The following TMEM182 variants were observed in gnomAD, a reference collection of about 807,000 sequenced individuals.
The protein encoded by TMEM182 is transmembrane protein 182.
In TMEM182, 20 loss-of-function variants were observed where a neutral mutation model predicts 26.8. That is an observed-to-expected ratio of 0.75 (90% CI 0.53 to 1.09). TMEM182 has a LOEUF of 1.09. Among genes scored for constraint, TMEM182 ranks in the 50% least tolerant of loss-of-function variants. The pLI is 0.00. For synonymous variants in TMEM182, 109 were observed against 102.2 expected (o/e 1.07, Z -0.40); for missense variants, 277 against 275.5 (o/e 1.01, Z -0.04).
intron 3 of TMEM182, among the ~76,000 whole-genome samples, chr2:102,785,697 G>A (rs1287560101): frequency 1.3e-5 from 2 of 152,122 alleles, no homozygotes; most frequent in Admixed American, 1.3e-4. Context: ...TACAGAAATC[G>A]TAGAAACTAC....
chr2:102,837,549 G>T (rs1440557875), intron 3 of TMEM182, among the ~76,000 whole-genome samples: 1 of 139,154 alleles, frequency 7.2e-6, no homozygotes, highest in Non-Finnish European at 1.6e-5. Context: ...GGGTTCGGGG[G>T]GTTCAGGGGG....
intron 3 of TMEM182, 79 bp downstream of exon 3, chr2:102,764,506 G>T: frequency 8.6e-7 from 1 of 1,165,372 alleles, no homozygotes; most frequent in Non-Finnish European, 1.2e-6. Flanking sequence ...ATTGTTGTGA[G>T]CAATTAAAAA....
chr2:102,788,057 A>T (rs765176917), intron 3 of TMEM182, among the ~76,000 whole-genome samples: 15 of 152,144 alleles, frequency 9.9e-5, no homozygotes, highest in Non-Finnish European at 2.2e-4. Context: ...TTATTATTAA[A>T]AATATTTGTT....
intron 1 of TMEM182, among the ~76,000 whole-genome samples, chr2:102,740,910 A>T (rs1490892439): frequency 2.0e-5 from 3 of 152,212 alleles, no homozygotes; most frequent in Non-Finnish European, 4.4e-5. Context: ...TTTCTATAAC[A>T]ACATGGATGA....
chr2:102,792,752 T>A (rs535998375), intron 3 of TMEM182, among the ~76,000 whole-genome samples: 14 of 152,310 alleles, frequency 9.2e-5, no homozygotes, highest in African/African-American at 3.4e-4. Context: ...GCTATTTCTA[T>A]GTGATCAAAG....
intron 4 of TMEM182, among the ~76,000 whole-genome samples, chr2:102,807,215 G>T (rs1052006227): frequency 1.3e-5 from 2 of 152,166 alleles, no homozygotes; most frequent in Admixed American, 6.5e-5. Context: ...GAAAATGAAA[G>T]GGAAGAGGGA....
chr2:102,753,274 T>C (rs1465452720), intron 1 of TMEM182, among the ~76,000 whole-genome samples: 3 of 152,004 alleles, frequency 2.0e-5, no homozygotes, highest in African/African-American at 7.2e-5. Context: ...TGGAGCTACA[T>C]AGCAAACCCT....
In TMEM182 at chr2:102,791,696, G is replaced by A. The variant is rs1681646333; in HGVS notation, c.332-6167G>A. Among the ~76,000 whole-genome samples, 3 of 152,174 alleles carry A rather than the reference G, an allele frequency of 2.0e-5. No homozygotes were observed. In the South Asian group the frequency reaches 6.2e-4, roughly 32 times the overall value. ...CACATTGTGATTGTATAGATTACAT[G>A]TAAATGTATTTCCATTGTAAATCTT... On this transcript the variant is annotated intron_variant, in intron 3 of 4. Transcript: ENST00000412401.
intron 3 of TMEM182, among the ~76,000 whole-genome samples, chr2:102,784,168 C>G (rs1429644838): frequency 6.6e-6 from 1 of 152,130 alleles, no homozygotes; most frequent in Non-Finnish European, 1.5e-5. Context: ...TGTACCTCTC[C>G]CTTTTTATTC....
intron 3 of TMEM182, among the ~76,000 whole-genome samples, chr2:102,783,760 C>G (rs1004349391): frequency 1.3e-5 from 2 of 152,058 alleles, no homozygotes; most frequent in Non-Finnish European, 2.9e-5. Flanking sequence ...GCCCTGCACT[C>G]TAGCCTAAGC....
At chr2:102,751,290 G>A (rs912278278) in intron 1 of TMEM182, among the ~76,000 whole-genome samples, 3 of 152,118 alleles carry the variant, frequency 2.0e-5, no homozygotes, top group African/African-American at 7.2e-5. Flanking sequence ...CACACAGATT[G>A]AGTGGACCAG....
In TMEM182 at chr2:102,840,266, T is replaced by C. The variant is rs115875437; in HGVS notation, c.326-3146T>C. 2.5e-3 allele frequency among the ~76,000 whole-genome samples: 384 copies of C among 152,318 alleles called. 2 individuals are homozygous for C. Among genetic ancestry groups the C allele is most frequent in the Admixed American group, 4.4e-3 (67 of 15,296 alleles). ...AAAGGGAATATGAGATAGAGAGTTA[T>C]TGACTTGCTTAACTCTGGGAAAAGG... On this transcript the variant is annotated intron_variant, in intron 3 of 3. Coordinates refer to the TMEM182 transcript ENST00000486293.
At chr2:102,758,807 A>G (rs1680122691), upstream of TMEM182, among the ~76,000 whole-genome samples, 3 of 152,166 alleles carry the variant, frequency 2.0e-5, no homozygotes, top group Non-Finnish European at 2.9e-5. Flanking sequence ...AAAGTATTCT[A>G]TTTTTCTCAA....
chr2:102,836,896 C>T (rs1313525734), intron 3 of TMEM182, among the ~76,000 whole-genome samples: 5 of 152,204 alleles, frequency 3.3e-5, no homozygotes. Context: ...CTATTCCAAG[C>T]TTCTCCAATC....
chr2:102,813,510 A>T (rs1477509603), intron 4 of TMEM182, among the ~76,000 whole-genome samples: 1 of 152,204 alleles, frequency 6.6e-6, no homozygotes, highest in Admixed American at 6.5e-5. Flanking sequence ...GAAATTTTGG[A>T]CAAATAACAA....
chr2:102,783,954 C>G (rs1681278320), intron 3 of TMEM182, among the ~76,000 whole-genome samples: 1 of 149,872 alleles, frequency 6.7e-6, no homozygotes, highest in Non-Finnish European at 1.5e-5. Context: ...TCTTGTCTGT[C>G]CCAACGAGAC....
chr2:102,841,861 A>G (rs1042163492), intron 3 of TMEM182, among the ~76,000 whole-genome samples: 4 of 152,212 alleles, frequency 2.6e-5, no homozygotes, highest in African/African-American at 9.6e-5. Flanking sequence ...TCTTGCTTCC[A>G]TCTCGCTATG....
At chr2:102,803,262 A>G (rs958617982) in intron 4 of TMEM182, among the ~76,000 whole-genome samples, 1 of 152,224 alleles carries the variant, frequency 6.6e-6, no homozygotes, top group Non-Finnish European at 1.5e-5. Context: ...CACCAGGGAT[A>G]TGAGCAGGGC....
intron 4 of TMEM182, among the ~76,000 whole-genome samples, chr2:102,813,979 G>T (rs1393299725): frequency 6.7e-6 from 1 of 148,324 alleles, no homozygotes; most frequent in African/African-American, 2.5e-5. Context: ...TATGGCTGTT[G>T]ATCTCTAATC....
Sources: gnomAD v4.1 joint callset for allele counts (sites outside exome capture counted in the v4.1 genomes callset) on GRCh38, gnomAD v4.1.1 for gene constraint, MANE v1.5 for transcripts, NCBI Gene and HGNC (gene_info 2026-07-23, HGNC 2026-07-21) for gene names.